The following KIAA0825 variants were observed in gnomAD, a reference collection of about 807,000 sequenced individuals.
The protein encoded by KIAA0825 is KIAA0825.
In KIAA0825, 119 loss-of-function variants were observed where a neutral mutation model predicts 147.6. The ratio of observed to expected loss-of-function variants is 0.81; its 90% CI spans 0.69 to 0.94. The LOEUF is 0.94. KIAA0825 is among the 40% of genes least tolerant of loss of function. The pLI, the probability that KIAA0825 is intolerant of heterozygous loss-of-function variation, is 0.00. For missense variants in KIAA0825, 1,381 were observed against 1,472.7 expected (o/e 0.94, Z 1.02); for synonymous variants, 470 against 518.1 (o/e 0.91, Z 1.26).
At chr5:94,494,992 A>T (rs1209926668) in intron 5 of KIAA0825, among the ~76,000 whole-genome samples, 6 of 152,234 alleles carry the variant, frequency 3.9e-5, no homozygotes, top group Non-Finnish European at 8.8e-5. Context: ...GCTTCCTAAT[A>T]CACTTTCCAA....
chr5:94,280,913 C>G (rs1423822590), intron 20 of KIAA0825, among the ~76,000 whole-genome samples: 1 of 151,936 alleles, frequency 6.6e-6, no homozygotes, highest in East Asian at 1.9e-4. Context: ...GTGTTTTGAG[C>G]AAGAAGTATA....
rs545736303 is a variant in KIAA0825 at position 94,152,255 on chromosome 5, T to C, written c.*1752A>G. On this transcript the variant is annotated 3_prime_UTR_variant, in exon 21 of 21. Transcript: ENST00000682413. ...TTTTACTCTTTGAAAAATGCATGAG[T>C]ACTTTCCTTTGGAAATCATGTAGCC... is the stretch of plus-strand genomic sequence containing the variant. 1.3e-5 allele frequency among the ~76,000 whole-genome samples: 2 copies of C among 152,210 alleles called. No individual in the cohort carries two copies. Among genetic ancestry groups the C allele is most frequent in the African/African-American group, 4.8e-5 (2 of 41,458 alleles).
intron 20 of KIAA0825, among the ~76,000 whole-genome samples, chr5:94,256,414 A>G (rs1776257568): frequency 6.6e-6 from 1 of 152,130 alleles, no homozygotes; most frequent in East Asian, 1.9e-4. Context: ...CTTGTATATG[A>G]ATATTCTGTG....
chr5:94,286,241 A>C (rs886226691), intron 20 of KIAA0825, among the ~76,000 whole-genome samples: 1 of 152,168 alleles, frequency 6.6e-6, no homozygotes, highest in Non-Finnish European at 1.5e-5. Flanking sequence ...GTGGCATAAC[A>C]AGGTCCATGA....
chr5:94,561,295 A>G (rs973865428), intron 2 of KIAA0825, among the ~76,000 whole-genome samples: 5 of 152,186 alleles, frequency 3.3e-5, no homozygotes, highest in Admixed American at 6.5e-5. Flanking sequence ...CCTCTTCCTT[A>G]CTTTATCTTA....
chr5:94,237,832 T>G (rs1775140141), intron 20 of KIAA0825, among the ~76,000 whole-genome samples: 1 of 152,136 alleles, frequency 6.6e-6, no homozygotes, highest in South Asian at 2.1e-4. Flanking sequence ...AAAGTGAATG[T>G]CCTAAGTAGG....
chr5:94,390,619 C>T (rs372675336), intron 18 of KIAA0825, among the ~76,000 whole-genome samples: 1 of 152,224 alleles, frequency 6.6e-6, no homozygotes, highest in East Asian at 1.9e-4. Context: ...ACCTGTTTAT[C>T]GACTGTTTGA....
intron 20 of KIAA0825, among the ~76,000 whole-genome samples, chr5:94,312,060 G>A (rs754837959): frequency 7.9e-5 from 12 of 151,564 alleles, no homozygotes; most frequent in African/African-American, 1.2e-4. Context: ...TTAAAAATTC[G>A]CTCCAGGCTG....
intron 20 of KIAA0825, among the ~76,000 whole-genome samples, chr5:94,202,726 A>G (rs922910490): frequency 6.6e-6 from 1 of 152,192 alleles, no homozygotes; most frequent in African/African-American, 2.4e-5. Flanking sequence ...CAATTAAGTT[A>G]TTATTTCACC....
chr5:94,410,066 T>C (rs972795651), intron 15 of KIAA0825, among the ~76,000 whole-genome samples: 1 of 152,106 alleles, frequency 6.6e-6, no homozygotes, highest in East Asian at 1.9e-4. Flanking sequence ...TAAAACATCA[T>C]ATATGTATAA....
At chr5:94,322,753 T>C (rs1334404887) in intron 20 of KIAA0825, among the ~76,000 whole-genome samples, 2 of 151,896 alleles carry the variant, frequency 1.3e-5, no homozygotes, top group African/African-American at 4.8e-5. Flanking sequence ...AATTTAAAAA[T>C]CAGGTCAAAG....
chr5:94,479,658 T>C lies in KIAA0825; in HGVS notation c.1133-2453A>G, dbSNP rs147977627. Among the ~76,000 whole-genome samples the C allele has an allele frequency of 9.9e-5, 15 of 152,270 alleles. No individual in the cohort carries two copies. In the East Asian group the frequency reaches 1.5e-3, roughly 16 times the overall value. On this transcript the variant is annotated intron_variant, in intron 6 of 20. Coordinates refer to ENST00000682413, the MANE Select transcript of KIAA0825 (RefSeq NM_001145678.3). ...TTGTATGGTAAAACTATGTTTAGCT[T>C]TGTAAGATACTGCCAAACTGTCTTC...
intron 20 of KIAA0825, among the ~76,000 whole-genome samples, chr5:94,353,616 A>G (rs1783937659): frequency 6.6e-6 from 1 of 152,216 alleles, no homozygotes; most frequent in Non-Finnish European, 1.5e-5. Flanking sequence ...TTCAAGGCAT[A>G]TTTTTTGATG....
chr5:94,322,255 T>A (rs1290488402), intron 20 of KIAA0825, among the ~76,000 whole-genome samples: 1 of 151,958 alleles, frequency 6.6e-6, no homozygotes, highest in Non-Finnish European at 1.5e-5. Context: ...TCCATATACT[T>A]TTTAGCAGCT....
intron 14 of KIAA0825, among the ~76,000 whole-genome samples, chr5:94,434,799 C>T (rs1306061695): frequency 2.0e-5 from 3 of 152,162 alleles, no homozygotes; most frequent in African/African-American, 7.2e-5. Flanking sequence ...CTAAATCATT[C>T]CCATGATAAT....
intron 20 of KIAA0825, among the ~76,000 whole-genome samples, chr5:94,263,263 A>G (rs538593896): frequency 1.3e-5 from 2 of 152,288 alleles, no homozygotes; most frequent in South Asian, 2.1e-4. Flanking sequence ...CAATTCTGGT[A>G]ACCAAGTTCT....
At chr5:94,156,321 A>G (rs1027520591) in intron 20 of KIAA0825, among the ~76,000 whole-genome samples, 1 of 152,210 alleles carries the variant, frequency 6.6e-6, no homozygotes, top group Non-Finnish European at 1.5e-5. Context: ...TTTACTTTCC[A>G]AAAAATATTG....
chr5:94,468,173 T>G (rs1013373928), intron 10 of KIAA0825, among the ~76,000 whole-genome samples: 3 of 152,192 alleles, frequency 2.0e-5, no homozygotes, highest in African/African-American at 7.2e-5. Context: ...TTGTTGGTTT[T>G]TAAAATACTT....
chr5:94,346,961 T>G (rs1021434267), intron 20 of KIAA0825, among the ~76,000 whole-genome samples: 4 of 152,160 alleles, frequency 2.6e-5, no homozygotes, highest in African/African-American at 9.7e-5. Flanking sequence ...GTCTGGGGGC[T>G]GTTGTCGGGT....
Sources: allele counts gnomAD v4.1 joint callset (sites outside exome capture counted in the v4.1 genomes callset), GRCh38; gene constraint gnomAD v4.1.1; transcripts MANE v1.5; gene names NCBI Gene and HGNC (gene_info 2026-07-23, HGNC 2026-07-21).